The following ITGB5 variants were observed in gnomAD, a reference collection of about 807,000 sequenced individuals.
ITGB5 encodes integrin subunit beta 5, also known as integrin beta-5.
A neutral mutation model predicts 84.8 loss-of-function variants in ITGB5; 38 were observed. The observed-to-expected ratio is 0.45, with a 90% CI of 0.35 to 0.59. The LOEUF is 0.59. Among genes scored for constraint, ITGB5 ranks in the 20% least tolerant of loss-of-function variants. The pLI is 0.01. For missense variants in ITGB5, 905 were observed against 1,034.5 expected (o/e 0.87, Z 1.72); for synonymous variants, 393 against 414.4 (o/e 0.95, Z 0.63).
intron 9 of ITGB5, among the ~76,000 whole-genome samples, chr3:124,802,092 C>G (rs2064324428): frequency 6.6e-6 from 1 of 152,252 alleles, no homozygotes; most frequent in African/African-American, 2.4e-5. Flanking sequence ...AGTGCCACAC[C>G]TGGCTTTCCC....
intron 2 of ITGB5, among the ~76,000 whole-genome samples, chr3:124,870,408 G>T (rs1302095910): frequency 6.6e-6 from 1 of 152,174 alleles, no homozygotes; most frequent in East Asian, 1.9e-4. Flanking sequence ...CGCCATTCAG[G>T]AATACAGCAA....
chr3:124,825,570 G>A (rs957222338), intron 5 of ITGB5, among the ~76,000 whole-genome samples: 7 of 152,068 alleles, frequency 4.6e-5, no homozygotes, highest in Admixed American at 6.5e-5. Context: ...AAAGCATTAC[G>A]TTAAGGGCAA....
intron 5 of ITGB5, among the ~76,000 whole-genome samples, chr3:124,821,973 C>T (rs1489538345): frequency 6.6e-6 from 1 of 152,178 alleles, no homozygotes; most frequent in East Asian, 1.9e-4. Flanking sequence ...CTCAAATGAC[C>T]AATAGATGGG....
intron 11 of ITGB5, among the ~76,000 whole-genome samples, chr3:124,772,911 C>CT (rs35802279): frequency 0.019 from 2,379 of 127,258 alleles, 62 homozygotes; most frequent in South Asian, 0.049. Context: ...CTCCAATTTA[C>CT]TTTTTTTTTT....
chr3:124,799,941 G>T (rs1285479333), intron 9 of ITGB5, among the ~76,000 whole-genome samples: 1 of 152,172 alleles, frequency 6.6e-6, no homozygotes, highest in Admixed American at 6.5e-5. Context: ...GGCTGGGAAC[G>T]ATTTGAGCCT....
intron 1 of ITGB5, among the ~76,000 whole-genome samples, chr3:124,876,059 T>G (rs1022562443): frequency 2.6e-5 from 4 of 152,246 alleles, no homozygotes; most frequent in African/African-American, 9.6e-5. Context: ...AATGAATAAG[T>G]TCTGGAGATC....
At chr3:124,826,902 C>T (rs900422375) in intron 5 of ITGB5, among the ~76,000 whole-genome samples, 7 of 152,184 alleles carry the variant, frequency 4.6e-5, no homozygotes, top group Admixed American at 6.5e-5. Flanking sequence ...TGGGCTGCTG[C>T]GAATGAGTCA....
intron 2 of ITGB5, among the ~76,000 whole-genome samples, chr3:124,870,736 A>G (rs1176100118): frequency 8.8e-6 from 1 of 113,712 alleles, no homozygotes; most frequent in African/African-American, 3.0e-5. Context: ...AAAAGAAAAA[A>G]AAAAAAAAAA....
intron 9 of ITGB5, among the ~76,000 whole-genome samples, chr3:124,800,299 G>A (rs1309936483): frequency 1.3e-5 from 2 of 152,152 alleles, no homozygotes; most frequent in African/African-American, 4.8e-5. Flanking sequence ...GAAAGACTGT[G>A]GGGAGTACAC....
chr3:124,796,249 G>C, intron 10 of ITGB5, 139 bp downstream of exon 10: 2 of 788,032 alleles, frequency 2.5e-6, no homozygotes, highest in Non-Finnish European at 4.2e-6. Context: ...GGGTAGCAAG[G>C]CTTGCCCACT....
intron 1 of ITGB5, among the ~76,000 whole-genome samples, chr3:124,873,850 T>C (rs1202699843): frequency 1.3e-5 from 2 of 150,724 alleles, no homozygotes; most frequent in East Asian, 3.9e-4. Flanking sequence ...ACTTAGTCTA[T>C]CCAAAATGAC....
Position 124,763,194 on chromosome 3 carries a change from T to C in ITGB5, c.*429A>G, listed in dbSNP as rs1002710088. ...ATAAATGCAGGATCTTTTTATTTCA[T>C]ATAAAAATGATCAATGTGAAAAAAG... On this transcript the variant is annotated 3_prime_UTR_variant, in exon 15 of 15. Coordinates refer to ENST00000296181, the MANE Select transcript of ITGB5 (RefSeq NM_002213.5). The C allele has an allele frequency of 4.3e-5, 7 of 164,006 alleles. No homozygotes were observed. Among genetic ancestry groups the C allele is most frequent in the Non-Finnish European group, 8.0e-5 (6 of 74,794 alleles). The allele number at this position is 164,006 out of a possible 1,614,324, so 10.2% of individuals were successfully genotyped here.
chr3:124,770,476 T>C (rs1463865789), intron 11 of ITGB5, among the ~76,000 whole-genome samples: 1 of 152,196 alleles, frequency 6.6e-6, no homozygotes, highest in East Asian at 1.9e-4. Context: ...AACTGCAATG[T>C]AGAGCCTTTA....
At chr3:124,830,518 C>G (rs748647403) in intron 5 of ITGB5, among the ~76,000 whole-genome samples, 1 of 152,210 alleles carries the variant, frequency 6.6e-6, no homozygotes, top group Non-Finnish European at 1.5e-5. Context: ...CAATGGATGA[C>G]TGTGTAGAAA....
intron 1 of ITGB5, among the ~76,000 whole-genome samples, chr3:124,899,868 A>AAG (rs1935183757): frequency 6.7e-6 from 1 of 150,148 alleles, no homozygotes; most frequent in Non-Finnish European, 1.5e-5. Context: ...AAAAAAAAAA[A>AAG]AAAAAAAAAA....
Position 124,796,730 on chromosome 3 carries a change from C to G in ITGB5, c.1351G>C (p.Asp451His). 1 of 1,614,118 alleles carries G rather than the reference C, an allele frequency of 6.2e-7. No homozygotes were observed. Among genetic ancestry groups the G allele is most frequent in the Non-Finnish European group, 8.5e-7 (1 of 1,180,040 alleles). Reference sequence around the variant, plus strand: ...TAGGTGACCCCCACCTCCAGGCTGTCCCGGAATCCCACCGGCCGCAGGGCA... The same window carrying G: ...TAGGTGACCCCCACCTCCAGGCTGTGCCGGAATCCCACCGGCCGCAGGGCA... ...VFALRPVGFR[D>H]SLEVGVTYNC... Residue 451 changes from aspartate to histidine, a missense_variant, in exon 10 of 15, where the codon GAC (aspartate) becomes CAC (histidine). By Grantham distance (81) the Asp-to-His change is moderately conservative. Coordinates refer to ENST00000296181, the MANE Select transcript of ITGB5 (RefSeq NM_002213.5).
chr3:124,873,435 C>G lies in ITGB5; in HGVS notation c.156+11G>C, dbSNP rs775710240. 1 of 1,597,076 alleles carries G rather than the reference C, an allele frequency of 6.3e-7. No individual in the cohort carries two copies. Among genetic ancestry groups the G allele is most frequent in the African/African-American group, 1.3e-5 (1 of 74,674 alleles). The stretch of plus-strand genomic sequence containing the variant: ...TCCTTCCCTTCTTCCTCCCCTCCCC[C>G]ACCTACATACCTCTTTGGAGCACCA... On this transcript the variant is annotated intron_variant, in intron 2 of 14. Coordinates refer to ENST00000296181, the MANE Select transcript of ITGB5 (RefSeq NM_002213.5).
chr3:124,768,937 G>C, intron 12 of ITGB5, 76 bp downstream of exon 12: 1 of 1,181,402 alleles, frequency 8.5e-7, no homozygotes, highest in East Asian at 2.4e-5. Flanking sequence ...AGTGCCTCCT[G>C]ACTCAAGGCT....
intron 11 of ITGB5, among the ~76,000 whole-genome samples, chr3:124,772,763 G>A (rs1209866429): frequency 1.3e-5 from 2 of 152,152 alleles, no homozygotes; most frequent in African/African-American, 4.8e-5. Flanking sequence ...AGCGAAGGCT[G>A]GGGCCCAGGT....
Sources: allele counts gnomAD v4.1 joint callset (sites outside exome capture counted in the v4.1 genomes callset), GRCh38; gene constraint gnomAD v4.1.1; transcripts MANE v1.5; gene names NCBI Gene and HGNC (gene_info 2026-07-23, HGNC 2026-07-21).